Variants in KDM4A observed in about 807,000 individuals in gnomAD.
KDM4A encodes the protein lysine-specific demethylase 4A.
In KDM4A, 23 loss-of-function variants were observed where a neutral mutation model predicts 127.1. That is an observed-to-expected ratio of 0.18 (90% confidence interval 0.13 to 0.26). KDM4A has a LOEUF of 0.26. Among genes scored for constraint, KDM4A ranks in the 10% least tolerant of loss-of-function variants. KDM4A has a pLI of 1.00. For synonymous variants in KDM4A, 443 were observed against 466.5 expected (o/e 0.95, Z 0.65); for missense variants, 890 against 1,329.1 (o/e 0.67, Z 5.14).
intron 18 of KDM4A, among the ~76,000 whole-genome samples, chr1:43,696,309 G>A (rs3791038): frequency 0.32 from 49,195 of 152,012 alleles, 9,291 homozygotes; most frequent in East Asian, 0.49. Flanking sequence ...GTTGGGGAAG[G>A]CTCTGCCATG....
intron 15 of KDM4A, 36 bp downstream of exon 15, chr1:43,691,608 A>T: frequency 6.4e-7 from 1 of 1,569,402 alleles, no homozygotes; most frequent in Non-Finnish European, 8.8e-7. Flanking sequence ...CTTCACCATG[A>T]GTCTTGGTGC....
chr1:43,690,823 T>G, intron 13 of KDM4A, 22 bp from the exon 14 acceptor site: 4 of 1,610,248 alleles, frequency 2.5e-6, no homozygotes, highest in Non-Finnish European at 1.7e-6. Context: ...CACTGAGGTG[T>G]ACACTTGTTC....
At chr1:43,669,409 G>A (rs913846583) in intron 10 of KDM4A, 110 bp downstream of exon 10, 26 of 1,065,366 alleles carry the variant, frequency 2.4e-5, no homozygotes, top group Admixed American at 7.0e-5. Context: ...TGACAGGTCC[G>A]TGAGCAGATA....
At chr1:43,659,669 C>T (rs902983720) in intron 3 of KDM4A, among the ~76,000 whole-genome samples, 7 of 152,090 alleles carry the variant, frequency 4.6e-5, no homozygotes, top group South Asian at 2.1e-4. Flanking sequence ...TATAAATATG[C>T]GTATATGTGA....
At chr1:43,669,409 G>T in intron 10 of KDM4A, 110 bp downstream of exon 10, 2 of 1,065,488 alleles carry the variant, frequency 1.9e-6, no homozygotes, top group South Asian at 1.3e-5. Flanking sequence ...TGACAGGTCC[G>T]TGAGCAGATA....
intron 1 of KDM4A, among the ~76,000 whole-genome samples, chr1:43,651,589 A>G (rs1350768616): frequency 6.6e-6 from 1 of 151,842 alleles, no homozygotes; most frequent in Non-Finnish European, 1.5e-5. Context: ...GAGCTCTCCA[A>G]CTCTCAAAGA....
Position 43,704,227 on chromosome 1 carries a change from T to C in KDM4A, c.3055-3T>C, listed in dbSNP as rs899104195. ...GACACTTGGCTTGCTTATTCTTCTA[T>C]AGTCAGTAGCCTCAGACATGCGCTT... On this transcript the variant is annotated splice_polypyrimidine_tract_variant and splice_region_variant and intron_variant, in intron 21 of 21. Coordinates refer to ENST00000372396, the MANE Select transcript of KDM4A (RefSeq NM_014663.3). 1.3e-5 allele frequency: 21 copies of C among 1,613,966 alleles called. No individual in the cohort carries two copies. Among genetic ancestry groups the C allele is most frequent in the Admixed American group, 3.3e-5 (2 of 59,980 alleles).
chr1:43,651,492 C>T (rs1436996144), intron 1 of KDM4A, among the ~76,000 whole-genome samples: 1 of 152,224 alleles, frequency 6.6e-6, no homozygotes, highest in Non-Finnish European at 1.5e-5. Context: ...TTTGCCTTCT[C>T]TCCTACCTTA....
chr1:43,674,510 C>G (rs1014605063), intron 11 of KDM4A, among the ~76,000 whole-genome samples: 2 of 142,906 alleles, frequency 1.4e-5, no homozygotes, highest in African/African-American at 5.2e-5. Context: ...CTAAATGGCC[C>G]TGCTACTTTT....
intron 11 of KDM4A, among the ~76,000 whole-genome samples, chr1:43,675,964 T>C (rs1263722755): frequency 2.0e-5 from 3 of 151,598 alleles, no homozygotes; most frequent in African/African-American, 4.9e-5. Flanking sequence ...TCCCAGCTGC[T>C]TGGGAGGCTG....
At chr1:43,665,828 G>A (rs1660489457) in intron 6 of KDM4A, 83 bp downstream of exon 6, 1 of 1,418,968 alleles carries the variant, frequency 7.0e-7, no homozygotes, top group African/African-American at 1.4e-5. Context: ...CGTTCCCCAT[G>A]GTCAGATACT....
chr1:43,664,721 A>G (rs1660461930), intron 5 of KDM4A, among the ~76,000 whole-genome samples: 1 of 152,182 alleles, frequency 6.6e-6, no homozygotes, highest in Non-Finnish European at 1.5e-5. Flanking sequence ...CTAGACTTGT[A>G]GGATGTGTAA....
At chr1:43,701,858 A>G (rs557749338) in intron 19 of KDM4A, among the ~76,000 whole-genome samples, 1 of 152,236 alleles carries the variant, frequency 6.6e-6, no homozygotes, top group Admixed American at 6.5e-5. Flanking sequence ...CTCAAACAAC[A>G]CAGATAGATT....
At chr1:43,658,104 T>C (rs1660289932) in intron 3 of KDM4A, among the ~76,000 whole-genome samples, 1 of 149,162 alleles carries the variant, frequency 6.7e-6, no homozygotes, top group Admixed American at 6.8e-5. Flanking sequence ...AGAGTCTCGC[T>C]GTGTTGCCCA....
rs1660529688 is a variant in KDM4A, at chr1:43,667,684, T to G, written c.916-88T>G. ...GGTTATAAACCATCTTGCACTTGTT[T>G]CCATGTGGAGGGAGGAGCTAGGACG... On this transcript the variant is annotated intron_variant, in intron 8 of 21. Transcript: ENST00000372396. 1.4e-5 allele frequency: 21 copies of G among 1,548,204 alleles called. 1 individual carries two copies. In the African/African-American group the frequency reaches 1.9e-4, roughly 14 times the overall value.
At chr1:43,662,534 G>A (rs1191656469) in intron 4 of KDM4A, among the ~76,000 whole-genome samples, 5 of 152,182 alleles carry the variant, frequency 3.3e-5, no homozygotes, top group Non-Finnish European at 7.3e-5. Context: ...TTGAGCCCGG[G>A]AGGCGGAGGT....
chr1:43,693,560 T>C lies in KDM4A; in HGVS notation c.2376-434T>C, dbSNP rs1340659770. ...AGGTCATTTCAGCCTGGGGGAGAGG[T>C]TTGGGCAGAGGCCGAGAGAGAGCTG... On this transcript the variant is annotated intron_variant, in intron 16 of 21. Coordinates refer to ENST00000372396, the MANE Select transcript of KDM4A (RefSeq NM_014663.3). The surrounding 1 kb of genome is among the most constrained non-coding windows in gnomAD (Gnocchi z 4.2). Among the ~76,000 whole-genome samples the C allele has an allele frequency of 6.6e-6, 1 of 151,690 alleles. No individual in the cohort carries two copies. Among genetic ancestry groups the C allele is most frequent in the Non-Finnish European group, 1.5e-5 (1 of 67,932 alleles).
At chr1:43,655,927 T>C (rs2154046358) in intron 3 of KDM4A, among the ~76,000 whole-genome samples, 161 bp downstream of exon 3, 1 of 152,296 alleles carries the variant, frequency 6.6e-6, no homozygotes, top group South Asian at 2.1e-4. Flanking sequence ...AAGCATTCCC[T>C]CCTCTCAGGA....
chr1:43,651,648 C>T (rs972782043), intron 1 of KDM4A, among the ~76,000 whole-genome samples: 3 of 152,064 alleles, frequency 2.0e-5, no homozygotes, highest in East Asian at 3.8e-4. Context: ...ATAGGGGGTA[C>T]GGAACTGCTG....
Sources: allele counts gnomAD v4.1 joint callset (sites outside exome capture counted in the v4.1 genomes callset), GRCh38; gene constraint gnomAD v4.1.1; non-coding constraint Gnocchi (gnomAD v3.1); transcripts MANE v1.5; gene names NCBI Gene and HGNC (gene_info 2026-07-23, HGNC 2026-07-21).